The following MROH7 variants were observed in gnomAD, a reference collection of about 807,000 sequenced individuals.
The protein encoded by MROH7 is maestro heat-like repeat-containing protein family member 7.
MROH7 carries 113 observed loss-of-function variants against 129.2 expected under a neutral mutation model. The observed-to-expected ratio is 0.87, with a 90% CI of 0.75 to 1.02. MROH7 has a LOEUF of 1.02. Among genes scored for constraint, MROH7 ranks in the 50% least tolerant of loss-of-function variants. The probability of loss-of-function intolerance (pLI) is 0.00; values close to 1 mark genes in which losing one functional copy is unlikely to be tolerated. For synonymous variants in MROH7, 655 were observed against 667.9 expected (o/e 0.98, Z 0.30); for missense variants, 1,601 against 1,671.3 (o/e 0.96, Z 0.73).
At chr1:54,709,438 G>A (rs567031880) in intron 23 of MROH7, among the ~76,000 whole-genome samples, 41 of 152,016 alleles carry the variant, frequency 2.7e-4, no homozygotes, top group African/African-American at 2.4e-5. Flanking sequence ...GGCTGGTCTC[G>A]AACTCCTGAC....
intron 1 of MROH7, among the ~76,000 whole-genome samples, chr1:54,645,343 A>C (rs542749717): frequency 1.3e-5 from 2 of 151,882 alleles, no homozygotes; most frequent in Admixed American, 1.3e-4. Flanking sequence ...GTAGTGGTGC[A>C]ATCTTGGCTC....
At chr1:54,678,632 A>T in intron 10 of MROH7, 110 bp from the exon 11 acceptor site, 1 of 737,538 alleles carries the variant, frequency 1.4e-6, no homozygotes, top group Non-Finnish European at 2.3e-6. Flanking sequence ...TGGTGTGTTC[A>T]CTATGTGAAA....
chr1:54,676,785 T>C (rs553382144), intron 10 of MROH7, among the ~76,000 whole-genome samples: 33 of 151,944 alleles, frequency 2.2e-4, no homozygotes, highest in African/African-American at 6.5e-4. Context: ...CTCAGCTCAC[T>C]GCAAACTCCA....
intron 3 of MROH7, chr1:54,659,062 G>A (rs1377322693): frequency 1.2e-5 from 5 of 426,636 alleles, no homozygotes; most frequent in Non-Finnish European, 1.8e-5. Flanking sequence ...GAATAATACT[G>A]TATTTACTGT....
At chr1:54,701,073 C>A in intron 18 of MROH7, 70 bp from the exon 19 acceptor site, 1 of 1,530,040 alleles carries the variant, frequency 6.5e-7, no homozygotes, top group Non-Finnish European at 9.0e-7. Context: ...TTCAGTGAAT[C>A]AGAGGCTGGG....
chr1:54,681,852 A>T (rs987568081), intron 13 of MROH7, among the ~76,000 whole-genome samples: 14 of 152,192 alleles, frequency 9.2e-5, no homozygotes, highest in Non-Finnish European at 2.1e-4. Context: ...GGCTTTGAAG[A>T]CATCAGGCCT....
At chr1:54,648,392 T>C (rs1364581994) in intron 1 of MROH7, among the ~76,000 whole-genome samples, 1 of 144,892 alleles carries the variant, frequency 6.9e-6, no homozygotes, top group Non-Finnish European at 1.5e-5. Context: ...TGAGACGGAG[T>C]TTCGCTCCTG....
intron 3 of MROH7, among the ~76,000 whole-genome samples, chr1:54,663,390 T>G (rs1644760729): frequency 6.6e-6 from 1 of 152,152 alleles, no homozygotes; most frequent in Non-Finnish European, 1.5e-5. Context: ...TTCTTTTTTT[T>G]GAGATGAAAT....
chr1:54,671,322 C>T (rs1326365215), intron 7 of MROH7, among the ~76,000 whole-genome samples: 1 of 152,170 alleles, frequency 6.6e-6, no homozygotes, highest in Non-Finnish European at 1.5e-5. Flanking sequence ...ATGGCTGGAA[C>T]CCGGGAGGCA....
At chr1:54,678,585 A>T (rs1458800152) in intron 10 of MROH7, among the ~76,000 whole-genome samples, 157 bp from the exon 11 acceptor site, 2 of 152,170 alleles carry the variant, frequency 1.3e-5, no homozygotes, top group East Asian at 3.9e-4. Flanking sequence ...TGGGGTGCTG[A>T]TCACGTTCTG....
chr1:54,648,494 T>C (rs531782861), intron 1 of MROH7, among the ~76,000 whole-genome samples: 14 of 152,032 alleles, frequency 9.2e-5, no homozygotes, highest in African/African-American at 3.4e-4. Flanking sequence ...GCCTCCCAAG[T>C]AGCTGGGATT....
At position 54,674,092 on chromosome 1, in the gene MROH7, T is replaced by C. The variant is rs371322078; in HGVS notation, c.1877T>C (p.Ile626Thr). The C allele has an allele frequency of 3.7e-6, 6 of 1,613,964 alleles. No homozygotes were observed. The African/African-American group carries it at 4.0e-5, about 11-fold the overall frequency. Residue 626 changes from isoleucine to threonine, a missense_variant, in exon 10 of 24, where the codon ATT becomes ACT. Ile to Thr is a moderately conservative substitution (Grantham distance 89). Coordinates refer to ENST00000421030, the MANE Select transcript of MROH7 (RefSeq NM_001039464.4). ...ILHIGDPDEE[I>T]GCEALDGIII... ...CACATTGGGGATCCTGATGAGGAGATTGGCTGTGAGGCTCTGGACGGCATC... is the reference window on the plus strand; with the variant it reads ...CACATTGGGGATCCTGATGAGGAGACTGGCTGTGAGGCTCTGGACGGCATC...
At position 54,668,842 on chromosome 1, in the gene MROH7, G is replaced by C. The variant is rs747168993; in HGVS notation, c.1306-12G>C. ...CTCTCACTCTGAGGTTTTGCCCTCT[G>C]CTGTCCCCTAGGTTGAGAATGTCAC... is the stretch of plus-strand genomic sequence containing the variant. On this transcript the variant is annotated splice_polypyrimidine_tract_variant and intron_variant, in intron 4 of 23. Coordinates refer to ENST00000421030, the MANE Select transcript of MROH7 (RefSeq NM_001039464.4). 4 of 1,612,076 alleles carry C rather than the reference G, an allele frequency of 2.5e-6. No homozygotes were observed. In the Admixed American group the frequency reaches 6.7e-5, roughly 27 times the overall value.
Position 54,699,173 on chromosome 1 carries a change from TTCTTTCTTTCTTTC to T in MROH7, c.2965-1132_2965-1119del, listed in dbSNP as rs1402332897. ...TTCTTTCTTTCTTTTCTTTCTTTCT[TTCTTTCTTTCTTTC>T]TCTTTCTTTCTTTCTTTCTCTCCCT... On this transcript the variant is annotated intron_variant, in intron 17 of 23. Coordinates refer to ENST00000421030, the MANE Select transcript of MROH7 (RefSeq NM_001039464.4). 2.6e-3 allele frequency: 308 copies of T among 120,126 alleles called. 16 individuals are homozygous for T. Among genetic ancestry groups the T allele is most frequent in the African/African-American group, 8.5e-3 (282 of 33,156 alleles). The allele number at this position is 120,126 out of a possible 1,614,324, so 7.4% of individuals were successfully genotyped here. A position where few individuals can be genotyped will look rare whatever the true frequency, so the allele number is the denominator to read the frequency against.
Position 54,674,040 on chromosome 1 carries a change from G to A in MROH7, c.1825G>A (p.Gly609Arg). The A allele has an allele frequency of 3.7e-6, 6 of 1,614,114 alleles. No homozygotes were observed. The highest frequency in any genetic ancestry group is 5.1e-6 in the Non-Finnish European group (6 of 1,180,018). The change falls in exon 10 of 24, where the codon GGG (glycine) becomes AGG (arginine). Residue 609 changes from glycine (G) to arginine (R), a missense_variant. Physicochemically the swap from Gly to Arg is moderately radical, Grantham distance 125 (BLOSUM62 -2). Transcript: ENST00000421030. ...FFMPLGFPAL[G>R]LLLGRLILHI... ...GATGCCCTTGGGGTTCCCGGCGCTG[G>A]GGCTTCTGCTGGGGAGACTCATCCT...
intron 23 of MROH7, 33 bp downstream of exon 23, chr1:54,709,109 G>A (rs1645582125): frequency 6.2e-7 from 1 of 1,602,958 alleles, no homozygotes; most frequent in Non-Finnish European, 8.5e-7. Flanking sequence ...GAAATTTCAG[G>A]GGACAGTGAG....
rs893645498 is a variant in MROH7, at chr1:54,687,066, T to G, written c.2711+618T>G. Among the ~76,000 whole-genome samples, 3 of 151,352 alleles carry G rather than the reference T, an allele frequency of 2.0e-5. No homozygotes were observed. In the East Asian group the frequency reaches 5.8e-4, roughly 29 times the overall value. ...TCTCCTTATTTATTTATTTATTTAT[T>G]TATTTATTTATTTATTTATTTATTT... On this transcript the variant is annotated intron_variant, in intron 15 of 23. Coordinates refer to ENST00000421030, the MANE Select transcript of MROH7 (RefSeq NM_001039464.4).
chr1:54,702,034 C>T (rs1199494105), intron 19 of MROH7, 56 bp from the exon 20 acceptor site: 18 of 1,439,580 alleles, frequency 1.3e-5, no homozygotes, highest in African/African-American at 4.3e-5. Context: ...CTGAATCAGC[C>T]GCAGTGAGTG....
At position 54,700,434 on chromosome 1, in the gene MROH7, G is replaced by A. The variant is rs769991729; in HGVS notation, c.3078G>A (p.Leu1026=). 26 of 1,606,764 alleles carry A rather than the reference G, an allele frequency of 1.6e-5. No homozygotes were observed. Among genetic ancestry groups the A allele is most frequent in the Non-Finnish European group, 1.8e-5 (21 of 1,175,748 alleles). ...PIMKVLSIRG[L]VILARRSEKT... Reference sequence around the variant, plus strand: ...TGAAGGTGCTGTCCATTCGAGGCCTGGTCATCCTGGCCCGCAGGTCTGAGA... The same window carrying A: ...TGAAGGTGCTGTCCATTCGAGGCCTAGTCATCCTGGCCCGCAGGTCTGAGA... The change falls in exon 18 of 24, where the codon CTG becomes CTA. Residue 1026 remains leucine (L), a synonymous_variant. Transcript: ENST00000421030.
Sources: allele counts gnomAD v4.1 joint callset (sites outside exome capture counted in the v4.1 genomes callset), GRCh38; gene constraint gnomAD v4.1.1; transcripts MANE v1.5; gene names NCBI Gene and HGNC (gene_info 2026-07-23, HGNC 2026-07-21).